The following GLIPR1 variants were observed in gnomAD, a reference collection of about 807,000 sequenced individuals.
GLIPR1 encodes the protein glioma pathogenesis-related protein 1.
In GLIPR1, 38 loss-of-function variants were observed where a neutral mutation model predicts 30.3. The ratio of observed to expected loss-of-function variants is 1.26; its 90% CI spans 0.97 to 1.65. GLIPR1 has a LOEUF of 1.65. GLIPR1 is among the 40% of genes most tolerant of loss of function. The pLI is 0.00. For missense variants in GLIPR1, 285 were observed against 326.5 expected, an observed-to-expected ratio of 0.87 and a Z score of 0.98; for synonymous variants, 122 against 110.6, an observed-to-expected ratio of 1.10 and a Z score of -0.65.
intron 3 of GLIPR1, chr12:75,493,934 A>G (rs1391815005): frequency 6.6e-6 from 1 of 152,256 alleles, no homozygotes; most frequent in African/African-American, 2.4e-5. Context: ...ACTAAGTATC[A>G]TAAATGACTT....
rs2046300908 is a variant in GLIPR1, at chr12:75,487,865, G to A, written c.421-2541G>A. 8.9e-6 allele frequency: 4 copies of A among 451,896 alleles called. No individual in the cohort carries two copies. The Admixed American group carries it at 9.5e-5, about 11-fold the overall frequency. The allele number at this position is 451,896 out of a possible 1,614,324, so 28.0% of individuals were successfully genotyped here. ...AAGAAAGAAAAGAAATAAAAGAATG[G>A]CTACTCCATAGACAGAGCAGTCCTG... On this transcript the variant is annotated intron_variant, in intron 2 of 5. Coordinates refer to ENST00000266659, the MANE Select transcript of GLIPR1 (RefSeq NM_006851.3).
intron 2 of GLIPR1, chr12:75,484,543 T>C (rs1195841284): frequency 1.3e-5 from 2 of 152,332 alleles, no homozygotes; most frequent in Non-Finnish European, 2.9e-5. Context: ...AAACAGTCTT[T>C]GTGTGAGCAA....
At chr12:75,482,333 A>G (rs1226699186) in intron 2 of GLIPR1, among the ~76,000 whole-genome samples, 2 of 152,228 alleles carry the variant, frequency 1.3e-5, no homozygotes, top group Non-Finnish European at 2.9e-5. Context: ...ATTCTCCCAT[A>G]GGACTTTATT....
Position 75,502,895 on chromosome 12 carries a change from C to T in GLIPR1, c.*3917C>T, listed in dbSNP as rs1566104253. The stretch of plus-strand genomic sequence containing the variant: ...TTTCCCCCTAACTACTATCAATTTC[C>T]TCCATGATCCAAAACTTCCATTGTT... On this transcript the variant is annotated 3_prime_UTR_variant, in exon 6 of 6. Transcript: ENST00000266659. 6.6e-6 allele frequency: 1 copy of T among 151,980 alleles called. No individual in the cohort carries two copies. The highest frequency in any genetic ancestry group is 1.5e-5 in the Non-Finnish European group (1 of 67,926). 9.4% of individuals were successfully genotyped at this position (151,980 alleles called of 1,614,324 possible). A position where few individuals can be genotyped will look rare whatever the true frequency, so the allele number is the denominator to read the frequency against.
chr12:75,487,760 G>A (rs1388506580), intron 2 of GLIPR1: 2 of 456,466 alleles, frequency 4.4e-6, no homozygotes, highest in South Asian at 3.1e-5. Context: ...AAGGGGTCGG[G>A]ATCCAAACCC....
chr12:75,490,155 CGTTTT>C (rs2046312970), intron 2 of GLIPR1, among the ~76,000 whole-genome samples: 2 of 147,526 alleles, frequency 1.4e-5, no homozygotes, highest in African/African-American at 2.5e-5. Context: ...ATTGCATTAC[CGTTTT>C]ATTTCTTCAT....
Position 75,501,446 on chromosome 12 carries a change from C to T in GLIPR1, c.*2468C>T, listed in dbSNP as rs1051268983. On this transcript the variant is annotated 3_prime_UTR_variant, in exon 6 of 6. Transcript: ENST00000266659. ...TGCATTTCTACAGAAGATGCACTGGCTGCCCTGGGTTTGTATCTTTCACAA... is the reference window on the plus strand; with the variant it reads ...TGCATTTCTACAGAAGATGCACTGGTTGCCCTGGGTTTGTATCTTTCACAA... 4 of 303,770 alleles carry T rather than the reference C, an allele frequency of 1.3e-5. No homozygotes were observed. In the Admixed American group the frequency reaches 1.4e-4, roughly 10 times the overall value. The allele number at this position is 303,770 out of a possible 1,614,324, so 18.8% of individuals were successfully genotyped here. A position where few individuals can be genotyped will look rare whatever the true frequency, so the allele number is the denominator to read the frequency against.
intron 2 of GLIPR1, among the ~76,000 whole-genome samples, chr12:75,487,565 G>A (rs745961742): frequency 5.9e-4 from 90 of 152,220 alleles, no homozygotes; most frequent in Non-Finnish European, 7.9e-4. Flanking sequence ...AAGTACACTC[G>A]CCCTTGCCAA....
Position 75,499,698 on chromosome 12 carries a change from C to CAAA in GLIPR1, c.*731_*733dup. On this transcript the variant is annotated 3_prime_UTR_variant, in exon 6 of 6. Coordinates refer to ENST00000266659, the MANE Select transcript of GLIPR1 (RefSeq NM_006851.3). Reference sequence around the variant, plus strand: ...CTCTTCTATGAACAACCACCACCACCAAAAAAAAAAAAAGCCCTCAGAAAA... The same window carrying CAAA: ...CTCTTCTATGAACAACCACCACCACCAAAAAAAAAAAAAAAAGCCCTCAGAAAA... 1.8e-6 allele frequency: 1 copy of CAAA among 563,666 alleles called. No homozygotes were observed. Among genetic ancestry groups the CAAA allele is most frequent in the Non-Finnish European group, 2.8e-6 (1 of 354,502 alleles). 34.9% of individuals were successfully genotyped at this position (563,666 alleles called of 1,614,324 possible).
rs778683971 is a variant in GLIPR1 at position 75,498,810 on chromosome 12, T to C, written c.647-14T>C. The C allele has an allele frequency of 2.3e-5, 37 of 1,612,308 alleles. No individual in the cohort carries two copies. Among genetic ancestry groups the C allele is most frequent in the Non-Finnish European group, 3.1e-5 (36 of 1,178,764 alleles). On this transcript the variant is annotated splice_polypyrimidine_tract_variant and intron_variant, in intron 5 of 5. Coordinates refer to ENST00000266659, the MANE Select transcript of GLIPR1 (RefSeq NM_006851.3). ...GAACAATGTCTAAGAGGATATTCTA[T>C]GTTTGTTTCACAGGTTACTACTCTG...
In GLIPR1 at chr12:75,481,052, A is replaced by C; in HGVS notation, c.172A>C (p.Met58Leu). The C allele has an allele frequency of 1.0e-5, 16 of 1,605,394 alleles. No homozygotes were observed. The highest frequency in any genetic ancestry group is 1.4e-5 in the Non-Finnish European group (16 of 1,173,722). Residue 58 changes from methionine (M) to leucine (L), a missense_variant and splice_region_variant, in exon 1 of 6, where the codon ATG (methionine) becomes CTG (leucine). By Grantham distance (15) the Met-to-Leu change is conservative. Coordinates refer to ENST00000266659, the MANE Select transcript of GLIPR1 (RefSeq NM_006851.3). Reference sequence around the variant, plus strand: ...ACCAACAGCCAGTGATATGCTATACATGGTAAGGAAAATATCATTAATTGT... The same window carrying C: ...ACCAACAGCCAGTGATATGCTATACCTGGTAAGGAAAATATCATTAATTGT... Reference protein sequence around the residue: ...VKPTASDMLYMTWDPALAQIA... With the variant: ...VKPTASDMLYLTWDPALAQIA...
chr12:75,496,202 A>T (rs2046350781), intron 4 of GLIPR1: 1 of 152,020 alleles, frequency 6.6e-6, no homozygotes, highest in Non-Finnish European at 1.5e-5. Context: ...TAAAAATACA[A>T]AAACTAGCTG....
At position 75,490,438 on chromosome 12, in the gene GLIPR1, C is replaced by T. The variant is rs759292590; in HGVS notation, c.453C>T (p.Cys151=). The T allele has an allele frequency of 3.4e-5, 54 of 1,602,768 alleles. No homozygotes were observed. In the South Asian group the frequency reaches 3.6e-4, roughly 11 times the overall value. Residue 151 remains cysteine, a synonymous_variant, in exon 3 of 6, where the codon TGC becomes TGT. Coordinates refer to ENST00000266659, the MANE Select transcript of GLIPR1 (RefSeq NM_006851.3). ...VVWADSYKVG[C]AVQFCPKVSG... is the part of the protein sequence containing the mutation. ...GGGCAGATAGTTACAAAGTTGGCTG[C>T]GCAGTTCAATTTTGCCCTAAAGTTT... is the stretch of plus-strand genomic sequence containing the variant.
intron 4 of GLIPR1, chr12:75,498,022 A>C (rs892344451): frequency 1.1e-4 from 16 of 152,254 alleles, no homozygotes; most frequent in Non-Finnish European, 4.4e-5. Flanking sequence ...AGGGATGCTC[A>C]CCAGTACCCA....
chr12:75,488,374 C>T (rs895621816), intron 2 of GLIPR1, among the ~76,000 whole-genome samples: 1 of 151,972 alleles, frequency 6.6e-6, no homozygotes, highest in African/African-American at 2.4e-5. Context: ...CCCATCTCTA[C>T]TAAAAATACA....
At chr12:75,486,354 A>T (rs1566096086) in intron 2 of GLIPR1, among the ~76,000 whole-genome samples, 2 of 152,244 alleles carry the variant, frequency 1.3e-5, no homozygotes, top group Admixed American at 1.3e-4. Context: ...TTTTAAGCCT[A>T]AGAAACTTAG....
chr12:75,482,169 C>T, intron 2 of GLIPR1, 90 bp downstream of exon 2: 2 of 1,042,774 alleles, frequency 1.9e-6, no homozygotes, highest in Non-Finnish European at 2.9e-6. Flanking sequence ...GTATAGTATG[C>T]TAGTATACCT....
In GLIPR1 at chr12:75,501,511, G is replaced by C; in HGVS notation, c.*2533G>C. On this transcript the variant is annotated 3_prime_UTR_variant, in exon 6 of 6. Transcript: ENST00000266659. ...CAAGCACAGACCAGAGGTCAGGAGA[G>C]GACTGTCAATCCAGTTTGCACTGAA... is the stretch of plus-strand genomic sequence containing the variant. 1.9e-6 allele frequency: 1 copy of C among 522,258 alleles called. No homozygotes were observed. The highest frequency in any genetic ancestry group is 2.6e-5 in the South Asian group (1 of 38,824). The allele number at this position is 522,258 out of a possible 1,614,324, so 32.4% of individuals were successfully genotyped here. A position where few individuals can be genotyped will look rare whatever the true frequency, so the allele number is the denominator to read the frequency against.
In GLIPR1 at chr12:75,489,253, G is replaced by A. The variant is rs911508639; in HGVS notation, c.421-1153G>A. On this transcript the variant is annotated intron_variant, in intron 2 of 5. Transcript: ENST00000266659. ...AACCAAGCATGGGGCTCTTTTGAGT[G>A]CTGGATCCCATGTAACAGCGCAGGT... Among the ~76,000 whole-genome samples, 19 of 152,292 alleles carry A rather than the reference G, an allele frequency of 1.2e-4. No homozygotes were observed. The East Asian group carries it at 3.7e-3, about 29-fold the overall frequency.
Sources: gnomAD v4.1 joint callset for allele counts (sites outside exome capture counted in the v4.1 genomes callset) on GRCh38, gnomAD v4.1.1 for gene constraint, MANE v1.5 for transcripts, NCBI Gene and HGNC (gene_info 2026-07-23, HGNC 2026-07-21) for gene names.